Variants in PNPLA6 observed in about 807,000 individuals in gnomAD.
The protein encoded by PNPLA6 is patatin-like phospholipase domain-containing protein 6.
In PNPLA6, 105 loss-of-function variants were observed where a neutral mutation model predicts 153.7. The observed-to-expected ratio is 0.68, with a 90% CI of 0.58 to 0.80. The LOEUF (loss-of-function observed/expected upper bound fraction) is 0.80, where lower values mean the gene tolerates loss of function less well. PNPLA6 is among the 30% of genes least tolerant of loss of function. The pLI, the probability that PNPLA6 is intolerant of heterozygous loss-of-function variation, is 0.00. For missense variants in PNPLA6, 1,423 were observed against 1,919.3 expected, an observed-to-expected ratio of 0.74 and a Z score of 4.83; for synonymous variants, 825 against 822.2, an observed-to-expected ratio of 1.00 and a Z score of -0.06.
At position 7,550,114 on chromosome 19, in the gene PNPLA6, T is replaced by C; in HGVS notation, c.1814+2T>C. The C allele has an allele frequency of 6.2e-7, 1 of 1,613,918 alleles. No individual in the cohort carries two copies. Among genetic ancestry groups the C allele is most frequent in the Non-Finnish European group, 8.5e-7 (1 of 1,180,020 alleles). ...GATCTCCAAGTCCGACTTCTATGAG[T>C]ATGACAGCCCGAAGTTGGAGTGTGG... is the stretch of plus-strand genomic sequence containing the variant. On this transcript the variant is annotated splice_donor_variant, in intron 14 of 31. Coordinates refer to ENST00000600737, the MANE Select transcript of PNPLA6 (RefSeq NM_001166114.2). LOFTEE classifies it high-confidence loss of function.
In PNPLA6 at chr19:7,555,285, G is replaced by C. The variant is rs10411650; in HGVS notation, c.2854G>C (p.Asp952His). Residue 952 changes from aspartate to histidine, a missense_variant, in exon 23 of 32, where the codon GAC (aspartate) becomes CAC (histidine). Physicochemically the swap from Asp to His is moderately conservative, Grantham distance 81 (BLOSUM62 -1). Coordinates refer to ENST00000600737, the MANE Select transcript of PNPLA6 (RefSeq NM_001166114.2). The surrounding 1 kb of genome is among the most constrained non-coding windows in gnomAD (Gnocchi z 6.3). ...LYEKVFSRRA[D>H]RHSDFSRLAR... Reference sequence around the variant, plus strand: ...CGAGAAGGTTTTCTCCAGGCGCGCGGACCGGCACAGCGACTTCTCCCGCTT... The same window carrying C: ...CGAGAAGGTTTTCTCCAGGCGCGCGCACCGGCACAGCGACTTCTCCCGCTT... 100 of 1,595,016 alleles carry C rather than the reference G, an allele frequency of 6.3e-5. No individual in the cohort carries two copies. The African/African-American group carries it at 1.3e-3, about 20-fold the overall frequency.
In PNPLA6 at chr19:7,541,181, C is replaced by A; in HGVS notation, c.924+130C>A. The A allele has an allele frequency of 8.3e-7, 1 of 1,198,762 alleles. No homozygotes were observed. Among genetic ancestry groups the A allele is most frequent in the Non-Finnish European group, 1.2e-6 (1 of 831,022 alleles). 74.3% of individuals were successfully genotyped at this position (1,198,762 alleles called of 1,614,324 possible). On this transcript the variant is annotated intron_variant, in intron 7 of 31. Coordinates refer to ENST00000600737, the MANE Select transcript of PNPLA6 (RefSeq NM_001166114.2). The surrounding 1 kb of genome is among the most constrained non-coding windows in gnomAD (Gnocchi z 5.2). ...GCTGTGGTTATCGGCCTGGAGCAGC[C>A]AGATGTCTGCAGCCGCGGACTCCTC...
At chr19:7,537,102 G>A (rs1284637921) in intron 3 of PNPLA6, among the ~76,000 whole-genome samples, 1 of 152,036 alleles carries the variant, frequency 6.6e-6, no homozygotes, top group Non-Finnish European at 1.5e-5. Context: ...GAGTATCTGA[G>A]CTATTTGTTC....
chr19:7,556,785 T>C, intron 26 of PNPLA6, 61 bp downstream of exon 26: 1 of 1,227,146 alleles, frequency 8.1e-7, no homozygotes, highest in South Asian at 1.2e-5. Context: ...GGGGGATGCT[T>C]CCGGGAGGGC....
chr19:7,540,085 G>A lies in PNPLA6; in HGVS notation c.554+27G>A. ...TCAGTGTTGGGGTGCAGGTGGGGGT[G>A]GAGGGCTGCAGACGTGGGGCCGCCC... is the stretch of plus-strand genomic sequence containing the variant. On this transcript the variant is annotated intron_variant, in intron 4 of 31. Transcript: ENST00000600737. The surrounding 1 kb of genome is among the most constrained non-coding windows in gnomAD (Gnocchi z 6.8). The A allele has an allele frequency of 1.9e-6, 3 of 1,614,022 alleles. No individual in the cohort carries two copies. The highest frequency in any genetic ancestry group is 1.3e-5 in the African/African-American group (1 of 75,066).
Position 7,538,217 on chromosome 19 carries a change from T to C in PNPLA6, c.413+1671T>C, listed in dbSNP as rs538104780. 4.6e-5 allele frequency among the ~76,000 whole-genome samples: 7 copies of C among 152,190 alleles called. No homozygotes were observed. The South Asian group carries it at 1.5e-3, about 32-fold the overall frequency. ...ATTTTGGAGACAGGATCACACTTTGTTGTTGAGGCTAGAGTGCAGTGGCAC... is the reference window on the plus strand; with the variant it reads ...ATTTTGGAGACAGGATCACACTTTGCTGTTGAGGCTAGAGTGCAGTGGCAC... On this transcript the variant is annotated intron_variant, in intron 3 of 31. Transcript: ENST00000600737.
intron 20 of PNPLA6, 66 bp downstream of exon 20, chr19:7,554,338 C>T: frequency 6.7e-7 from 1 of 1,483,040 alleles, no homozygotes; most frequent in Non-Finnish European, 9.4e-7. Context: ...TCTTTCAGAC[C>T]TGAGTTCAAG....
rs758696482 is a variant in PNPLA6 at position 7,536,451 on chromosome 19, G to A, written c.318G>A (p.Val106=). The A allele has an allele frequency of 8.1e-6, 13 of 1,611,022 alleles. No individual in the cohort carries two copies. Among genetic ancestry groups the A allele is most frequent in the Admixed American group, 5.0e-5 (3 of 59,984 alleles). ...LFYGRKIMRK[V]SQSTSSLVDT... ...CATCTCCGCCTTCATTCTCCCAGGT[G>A]TCACAATCCACCTCCTCCCTCGTGG... The change falls in exon 3 of 32, where the codon GTG becomes GTA. Residue 106 remains valine (V), a splice_region_variant and synonymous_variant. Coordinates refer to ENST00000600737, the MANE Select transcript of PNPLA6 (RefSeq NM_001166114.2).
At chr19:7,537,872 C>T (rs887642446) in intron 3 of PNPLA6, among the ~76,000 whole-genome samples, 1 of 152,086 alleles carries the variant, frequency 6.6e-6, no homozygotes, top group African/African-American at 2.4e-5. Flanking sequence ...GATCTCTTGA[C>T]CTTGTGATCC....
chr19:7,539,852 G>A (rs2023046045), intron 3 of PNPLA6, 66 bp from the exon 4 acceptor site: 4 of 1,093,370 alleles, frequency 3.7e-6, no homozygotes, highest in Non-Finnish European at 4.0e-6. Context: ...GGTATGCGGG[G>A]GTCTTAGGTT....
upstream of PNPLA6, chr19:7,534,271 G>T (rs1041762769): frequency 1.4e-4 from 40 of 281,672 alleles, no homozygotes; most frequent in Non-Finnish European, 2.6e-4. Context: ...CCTCGCAGGG[G>T]TGTCCCTTCG....
intron 25 of PNPLA6, 21 bp downstream of exon 25, chr19:7,556,590 G>A (rs1478656872): frequency 6.3e-7 from 1 of 1,588,946 alleles, no homozygotes; most frequent in Admixed American, 1.7e-5. Context: ...CTCATCCCCT[G>A]CCCTGCCTAC....
chr19:7,536,786 G>T (rs2039754984), intron 3 of PNPLA6, among the ~76,000 whole-genome samples: 1 of 152,136 alleles, frequency 6.6e-6, no homozygotes, highest in South Asian at 2.1e-4. Context: ...AATTAGCTGG[G>T]CGTGGTGGCA....
intron 27 of PNPLA6, among the ~76,000 whole-genome samples, chr19:7,557,922 C>G (rs1279120693): frequency 6.6e-6 from 1 of 152,186 alleles, no homozygotes; most frequent in Non-Finnish European, 1.5e-5. Context: ...GAATGCAACA[C>G]TCGTGTGCAC....
chr19:7,540,554 A>G lies in PNPLA6; in HGVS notation c.715-76A>G, dbSNP rs559876970. 3.4e-4 allele frequency: 413 copies of G among 1,220,976 alleles called. 6 individuals are homozygous for G. In the South Asian group the frequency reaches 4.5e-3, roughly 13 times the overall value. The allele number at this position is 1,220,976 out of a possible 1,614,324, so 75.6% of individuals were successfully genotyped here. ...GAAGGGATGAGAAGTGTCAGTGATC[A>G]TTGGGATGGATGAGGGGGCGACATG... On this transcript the variant is annotated intron_variant, in intron 5 of 31. Transcript: ENST00000600737. This position sits in a 1 kb window ranked among gnomAD's most constrained non-coding sequence, Gnocchi z 6.8.
chr19:7,546,705 G>A (rs1248185265), intron 13 of PNPLA6, among the ~76,000 whole-genome samples: 1 of 151,996 alleles, frequency 6.6e-6, no homozygotes, highest in Non-Finnish European at 1.5e-5. Context: ...CACTGCACCC[G>A]GCCTTATGTA....
chr19:7,561,437 G>A, intron 31 of PNPLA6, 51 bp from the exon 32 acceptor site: 1 of 1,498,448 alleles, frequency 6.7e-7, no homozygotes, highest in East Asian at 2.3e-5. Flanking sequence ...GCTGACATGT[G>A]ACGCATCAGT....
At chr19:7,558,778 G>T in intron 27 of PNPLA6, 72 bp from the exon 28 acceptor site, 1 of 1,071,870 alleles carries the variant, frequency 9.3e-7, no homozygotes, top group Non-Finnish European at 1.4e-6. Flanking sequence ...GATGGCATCT[G>T]TGGGACTGGG....
chr19:7,537,632 CT>C (rs749367335), intron 3 of PNPLA6, among the ~76,000 whole-genome samples: 1 of 151,852 alleles, frequency 6.6e-6, no homozygotes, highest in Non-Finnish European at 1.5e-5. Context: ...GCAGTCCTTT[CT>C]TTTTTGTTTG....
Sources: allele counts gnomAD v4.1 joint callset (sites outside exome capture counted in the v4.1 genomes callset), GRCh38; gene constraint gnomAD v4.1.1; non-coding constraint Gnocchi (gnomAD v3.1); transcripts MANE v1.5; gene names NCBI Gene and HGNC (gene_info 2026-07-23, HGNC 2026-07-21).